Variants in CDH11 observed in about 807,000 individuals in gnomAD.
CDH11 encodes cadherin 11.
A neutral mutation model predicts 67.8 loss-of-function variants in CDH11; 11 were observed. The observed-to-expected ratio is 0.16, with a 90% confidence interval of 0.10 to 0.27. CDH11 has a LOEUF of 0.27. Among genes scored for constraint, CDH11 ranks in the 10% least tolerant of loss-of-function variants. CDH11 has a pLI of 1.00. For missense variants in CDH11, 847 were observed against 1,031.2 expected, an observed-to-expected ratio of 0.82 and a Z score of 2.45; for synonymous variants, 419 against 400.0, an observed-to-expected ratio of 1.05 and a Z score of -0.57.
intron 11 of CDH11, among the ~76,000 whole-genome samples, chr16:64,967,896 A>C (rs2142415711): frequency 6.6e-6 from 1 of 152,344 alleles, no homozygotes; most frequent in Non-Finnish European, 1.5e-5. Context: ...TACTACAATT[A>C]TTATGGCTGT....
chr16:65,053,593 T>C (rs2142718002), intron 2 of CDH11, among the ~76,000 whole-genome samples: 1 of 152,286 alleles, frequency 6.6e-6, no homozygotes, highest in African/African-American at 2.4e-5. Flanking sequence ...ATAATAGGTG[T>C]TCAATAAAGA....
chr16:65,043,443 G>T (rs1441190621), intron 2 of CDH11, among the ~76,000 whole-genome samples: 1 of 152,154 alleles, frequency 6.6e-6, no homozygotes, highest in Non-Finnish European at 1.5e-5. Context: ...ATGCAGCCCA[G>T]CAACAGCCTC....
intron 1 of CDH11, among the ~76,000 whole-genome samples, chr16:65,105,905 T>C (rs367877598): frequency 2.0e-5 from 3 of 152,260 alleles, no homozygotes; most frequent in East Asian, 3.8e-4. Flanking sequence ...GCTATTACCA[T>C]GAATTTCATC....
intron 1 of CDH11, among the ~76,000 whole-genome samples, chr16:65,100,001 C>A (rs1253780912): frequency 6.6e-6 from 1 of 152,102 alleles, no homozygotes; most frequent in Non-Finnish European, 1.5e-5. Flanking sequence ...ATGATAAGGG[C>A]AGAAAACTTT....
At chr16:65,083,447 T>C (rs1403093543) in intron 1 of CDH11, among the ~76,000 whole-genome samples, 17 of 152,242 alleles carry the variant, frequency 1.1e-4, no homozygotes, top group Admixed American at 1.1e-3. Flanking sequence ...ACACTGGTCC[T>C]GTCTCATTTG....
chr16:65,087,758 T>A (rs2074725088), intron 1 of CDH11, among the ~76,000 whole-genome samples: 1 of 152,144 alleles, frequency 6.6e-6, no homozygotes, highest in South Asian at 2.1e-4. Context: ...TATCAAACTG[T>A]AGTGGAATCT....
chr16:64,972,764 G>A (rs752677923), intron 9 of CDH11, 140 bp downstream of exon 9: 81 of 790,680 alleles, frequency 1.0e-4, no homozygotes, highest in South Asian at 7.4e-4. Context: ...AAAGATAACC[G>A]AAAACACATT....
chr16:65,049,183 G>T (rs1259520189), intron 2 of CDH11, among the ~76,000 whole-genome samples: 2 of 152,064 alleles, frequency 1.3e-5, no homozygotes, highest in Non-Finnish European at 2.9e-5. Flanking sequence ...TGTACCCCCT[G>T]AATCTATTAT....
chr16:65,116,744 C>T (rs2075251562), intron 1 of CDH11, among the ~76,000 whole-genome samples: 1 of 147,236 alleles, frequency 6.8e-6, no homozygotes, highest in Non-Finnish European at 1.5e-5. Flanking sequence ...CTTCAATTGG[C>T]TTAATAAGGA....
intron 2 of CDH11, among the ~76,000 whole-genome samples, chr16:65,007,866 C>T (rs764205037): frequency 2.6e-5 from 4 of 151,990 alleles, no homozygotes; most frequent in Admixed American, 6.6e-5. Context: ...CAAAGCAGGC[C>T]GTCAATACAA....
Position 65,017,319 on chromosome 16 carries a change from C to T in CDH11, c.-172-12278G>A, listed in dbSNP as rs959600566. On this transcript the variant is annotated intron_variant, in intron 2 of 12. Transcript: ENST00000268603. Reference sequence around the variant, plus strand: ...TTCCTCCATCCTTTTTGCAAGGGAACGCTTGCAACCTAGGGTTTGTAGAGG... The same window carrying T: ...TTCCTCCATCCTTTTTGCAAGGGAATGCTTGCAACCTAGGGTTTGTAGAGG... Among the ~76,000 whole-genome samples, 10 of 152,102 alleles carry T rather than the reference C, an allele frequency of 6.6e-5. No individual in the cohort carries two copies. The East Asian group carries it at 1.2e-3, about 18-fold the overall frequency.
chr16:64,993,275 G>A (rs1006656617), intron 4 of CDH11, among the ~76,000 whole-genome samples: 2 of 146,452 alleles, frequency 1.4e-5, no homozygotes, highest in East Asian at 4.1e-4. Flanking sequence ...TGAACTTTCT[G>A]TATTTATAGT....
At chr16:64,978,106 G>A (rs958787316) in intron 8 of CDH11, among the ~76,000 whole-genome samples, 1 of 152,146 alleles carries the variant, frequency 6.6e-6, no homozygotes, top group African/African-American at 2.4e-5. Context: ...CCCCCAGTGT[G>A]TGCTCAATGA....
chr16:65,083,903 C>G (rs1435158844), intron 1 of CDH11, among the ~76,000 whole-genome samples: 1 of 152,200 alleles, frequency 6.6e-6, no homozygotes, highest in African/African-American at 2.4e-5. Flanking sequence ...AGGGAAAACA[C>G]AGCAGAGCTC....
intron 1 of CDH11, among the ~76,000 whole-genome samples, chr16:65,064,138 A>G (rs1465485089): frequency 1.3e-5 from 2 of 152,212 alleles, no homozygotes; most frequent in Admixed American, 1.3e-4. Flanking sequence ...GATGGTCCTC[A>G]GAGAAGGCCC....
intron 7 of CDH11, 30 bp from the exon 8 acceptor site, chr16:64,982,331 C>T: frequency 1.3e-6 from 2 of 1,561,756 alleles, no homozygotes; most frequent in Middle Eastern, 1.7e-4. Context: ...GATTGACAAC[C>T]AATTCCTTGA....
chr16:65,076,199 A>T (rs941672957), intron 1 of CDH11, among the ~76,000 whole-genome samples: 1 of 152,170 alleles, frequency 6.6e-6, no homozygotes, highest in Non-Finnish European at 1.5e-5. Context: ...TTAAACTCAA[A>T]TTTCATTTGT....
In CDH11 at chr16:64,946,513, A is replaced by G; in HGVS notation, c.*1090T>C. ...AGTCATAGACTGACCTAGTTCTTTC[A>G]CATCCTTCTTTTTTAGAAGATGTGT... On this transcript the variant is annotated 3_prime_UTR_variant, in exon 13 of 13. Coordinates refer to ENST00000268603, the MANE Select transcript of CDH11 (RefSeq NM_001797.4). The G allele has an allele frequency of 2.9e-6, 3 of 1,031,108 alleles. No individual in the cohort carries two copies. The highest frequency in any genetic ancestry group is 3.5e-6 in the Non-Finnish European group (3 of 857,342). The allele number at this position is 1,031,108 out of a possible 1,614,324, so 63.9% of individuals were successfully genotyped here.
At chr16:64,968,960 C>T (rs1416920138) in intron 11 of CDH11, among the ~76,000 whole-genome samples, 2 of 152,084 alleles carry the variant, frequency 1.3e-5, no homozygotes, top group South Asian at 2.1e-4. Context: ...TCTGTAATAG[C>T]TTTAAACATG....
Sources: gnomAD v4.1 joint callset for allele counts (sites outside exome capture counted in the v4.1 genomes callset) on GRCh38, gnomAD v4.1.1 for gene constraint, MANE v1.5 for transcripts, NCBI Gene and HGNC (gene_info 2026-07-23, HGNC 2026-07-21) for gene names.